Variants in NR1H3 observed in about 807,000 individuals in gnomAD.
NR1H3 encodes the protein oxysterols receptor LXR-alpha.
In NR1H3, 19 loss-of-function variants were observed where a neutral mutation model predicts 48.1. The observed-to-expected ratio is 0.40, with a 90% CI of 0.28 to 0.58. The LOEUF (loss-of-function observed/expected upper bound fraction) is 0.58, where lower values mean the gene tolerates loss of function less well. Among genes scored for constraint, NR1H3 ranks in the 20% least tolerant of loss-of-function variants. NR1H3 has a pLI of 0.50. For missense variants in NR1H3, 486 were observed against 595.9 expected (o/e 0.82, Z 1.92); for synonymous variants, 232 against 227.3 (o/e 1.02, Z -0.19).
chr11:47,259,459 TC>T (rs1591107880), intron 2 of NR1H3, 200 bp downstream of exon 2: 2 of 1,550,350 alleles, frequency 1.3e-6, no homozygotes, highest in East Asian at 4.9e-5. Context: ...CGCCCAGTCC[TC>T]CCCAGTCTGG....
chr11:47,258,070 CT>C lies in NR1H3; in HGVS notation c.-96del. Reference sequence around the variant, plus strand: ...GGACAGGAAACTGCACCATCCTCTTCTCCCAGCAAGGGGGCTCCAGAGACTG... The same window carrying C: ...GGACAGGAAACTGCACCATCCTCTTCCCCAGCAAGGGGGCTCCAGAGACTG... On this transcript the variant is annotated 5_prime_UTR_variant, in exon 1 of 10. Coordinates refer to ENST00000441012, the MANE Select transcript of NR1H3 (RefSeq NM_005693.4). 5.1e-6 allele frequency: 5 copies of C among 985,498 alleles called. No individual in the cohort carries two copies. The highest frequency in any genetic ancestry group is 6.0e-6 in the Non-Finnish European group (5 of 830,118). The allele number at this position is 985,498 out of a possible 1,614,324, so 61.0% of individuals were successfully genotyped here.
rs1280546416 is a variant in NR1H3 at position 47,248,967 on chromosome 11, C to A, written c.-125C>A. On this transcript the variant is annotated 5_prime_UTR_variant, in exon 1 of 9. Transcript: ENST00000395397. ...TCGGTGGGATTGCGTGCAGGAGGGTCGTGGTCTGGCTGTGGCGGAGGAGCA... is the reference window on the plus strand; with the variant it reads ...TCGGTGGGATTGCGTGCAGGAGGGTAGTGGTCTGGCTGTGGCGGAGGAGCA... 16 of 1,521,212 alleles carry A rather than the reference C, an allele frequency of 1.1e-5. No homozygotes were observed. In the South Asian group the frequency reaches 1.3e-4, roughly 13 times the overall value. The allele number at this position is 1,521,212 out of a possible 1,614,324, so 94.2% of individuals were successfully genotyped here. A position where few individuals can be genotyped will look rare whatever the true frequency, so the allele number is the denominator to read the frequency against.
intron 1 of NR1H3, 198 bp downstream of exon 1, chr11:47,258,327 T>C (rs1034596061): frequency 1.2e-5 from 5 of 421,358 alleles, no homozygotes; most frequent in African/African-American, 1.1e-4. Flanking sequence ...TCTATGTGAA[T>C]TGGGGAGATT....
chr11:47,259,329 T>G lies in NR1H3; in HGVS notation c.43+70T>G, dbSNP rs1349521301. On this transcript the variant is annotated intron_variant, in intron 2 of 9. Coordinates refer to ENST00000441012, the MANE Select transcript of NR1H3 (RefSeq NM_005693.4). ...TCCACGCCTCCTGTAGGAATCAGCC[T>G]CCTTCATTACCTGCCTTCTTCCTTC... 3.1e-6 allele frequency: 5 copies of G among 1,608,992 alleles called. No individual in the cohort carries two copies. In the African/African-American group the frequency reaches 6.7e-5, roughly 22 times the overall value.
In NR1H3 at chr11:47,261,592, C is replaced by T; in HGVS notation, c.754C>T (p.Gln252Ter). ...TCCCCATAGCCGGGAGGCCCGTCAGCAGCGCTTTGCCCACTTCACTGAGCT... is the reference window on the plus strand; with the variant it reads ...TCCCCATAGCCGGGAGGCCCGTCAGTAGCGCTTTGCCCACTTCACTGAGCT... ...PDPHSREARQ[Q>*]RFAHFTELAI... Residue 252 changes from glutamine to a stop codon, truncating the protein, a stop_gained, in exon 6 of 10, where the codon CAG becomes TAG. Transcript: ENST00000441012. LOFTEE classifies it high-confidence loss of function. 5 of 1,614,234 alleles carry T rather than the reference C, an allele frequency of 3.1e-6. No individual in the cohort carries two copies. Among genetic ancestry groups the T allele is most frequent in the Non-Finnish European group, 4.2e-6 (5 of 1,180,032 alleles).
chr11:47,256,166 G>T (rs533337155), upstream of NR1H3, among the ~76,000 whole-genome samples: 14 of 151,404 alleles, frequency 9.2e-5, no homozygotes, highest in African/African-American at 2.9e-4. Flanking sequence ...TCAGCCTCCC[G>T]AGTAGCTGGG....
chr11:47,265,308 A>G (rs1412246142), intron 7 of NR1H3, among the ~76,000 whole-genome samples: 1 of 152,044 alleles, frequency 6.6e-6, no homozygotes, highest in Non-Finnish European at 1.5e-5. Context: ...AAGAAAAAAG[A>G]AAAAGAAAAT....
Position 47,268,243 on chromosome 11 carries a change from T to C in NR1H3, c.1103-18T>C. 1.9e-6 allele frequency: 3 copies of C among 1,612,734 alleles called. No homozygotes were observed. The highest frequency in any genetic ancestry group is 2.5e-6 in the Non-Finnish European group (3 of 1,179,076). On this transcript the variant is annotated intron_variant, in intron 8 of 9. Transcript: ENST00000441012. ...ACCCTGGCCAGACCTGCTCCTCAAC[T>C]CTCTTGGTGACCTATAGACCGGCCC...
upstream of NR1H3, among the ~76,000 whole-genome samples, chr11:47,255,615 CTCTTTCTTTCTTTCTTTCTT>C (rs71042664): frequency 1.1e-5 from 1 of 93,126 alleles, no homozygotes; most frequent in South Asian, 3.6e-4. Context: ...CTCTCTCTCT[CTCTTTCTTTCTTTCTTTCTT>C]TCTTTCTTTC....
At chr11:47,266,577 G>A (rs963254949) in intron 7 of NR1H3, among the ~76,000 whole-genome samples, 4 of 151,386 alleles carry the variant, frequency 2.6e-5, no homozygotes, top group East Asian at 1.9e-4. Flanking sequence ...CAGGCAATCC[G>A]TCTGCCTCGG....
intron 1 of NR1H3, among the ~76,000 whole-genome samples, chr11:47,252,056 A>C (rs1162109281): frequency 1.4e-5 from 2 of 145,394 alleles, no homozygotes; most frequent in African/African-American, 5.0e-5. Context: ...CTACAGGTGC[A>C]AAAAAAAAAA....
intron 1 of NR1H3, among the ~76,000 whole-genome samples, chr11:47,252,959 CTTT>C (rs35321542): frequency 1.8e-5 from 2 of 113,286 alleles, no homozygotes. Flanking sequence ...AACTTGTATT[CTTT>C]TTTTTTTTTT....
chr11:47,264,918 A>G (rs1956302055), intron 7 of NR1H3, among the ~76,000 whole-genome samples: 1 of 152,214 alleles, frequency 6.6e-6, no homozygotes, highest in Non-Finnish European at 1.5e-5. Flanking sequence ...AGCTAACTAT[A>G]GAACCTCCTC....
chr11:47,251,624 AAAAT>A (rs1433959138), intron 1 of NR1H3, among the ~76,000 whole-genome samples: 3 of 152,034 alleles, frequency 2.0e-5, no homozygotes, highest in African/African-American at 4.8e-5. Flanking sequence ...AAAAAAAAAT[AAAAT>A]AAAGAGGGCT....
upstream of NR1H3, among the ~76,000 whole-genome samples, chr11:47,256,229 C>G (rs1287472841): frequency 1.4e-5 from 2 of 140,270 alleles, no homozygotes; most frequent in African/African-American, 5.3e-5. Context: ...TTAGTAGAGA[C>G]GGGGTTTCAC....
chr11:47,260,229 T>C (rs2279239), intron 3 of NR1H3, among the ~76,000 whole-genome samples, 180 bp from the exon 4 acceptor site: 57,448 of 152,018 alleles, frequency 0.38, 11,798 homozygotes, highest in East Asian at 0.75. Flanking sequence ...AAAAGGCTCA[T>C]ACAGTACCTA....
upstream of NR1H3, chr11:47,257,606 C>CGGGCCGG: frequency 1.0e-6 from 1 of 974,838 alleles, no homozygotes; most frequent in Middle Eastern, 5.2e-4. Flanking sequence ...GTCGCAATTC[C>CGGGCCGG]GGGCCGTGCT....
chr11:47,262,079 T>C (rs550208508), intron 7 of NR1H3, 61 bp downstream of exon 7: 1 of 1,338,072 alleles, frequency 7.5e-7, no homozygotes, highest in East Asian at 2.3e-5. Flanking sequence ...TTTTTTATTT[T>C]TTATTTTTAA....
upstream of NR1H3, among the ~76,000 whole-genome samples, chr11:47,255,737 G>A (rs940588347): frequency 4.7e-5 from 7 of 150,038 alleles, no homozygotes; most frequent in African/African-American, 9.8e-5. Context: ...GCGCGATCTC[G>A]GGTCATTGCA....
Sources: gnomAD v4.1 joint callset for allele counts (sites outside exome capture counted in the v4.1 genomes callset) on GRCh38, gnomAD v4.1.1 for gene constraint, MANE v1.5 for transcripts, NCBI Gene and HGNC (gene_info 2026-07-23, HGNC 2026-07-21) for gene names.